THSD7B: variants seen among roughly 807,000 people sequenced by gnomAD.
THSD7B encodes thrombospondin type 1 domain containing 7B, also known as thrombospondin type-1 domain-containing protein 7B.
Under a neutral mutation model 213.6 loss-of-function variants are expected in THSD7B, and 138 were observed. That is an observed-to-expected ratio of 0.65 (90% CI 0.56 to 0.74). The LOEUF (loss-of-function observed/expected upper bound fraction) is 0.74, where lower values mean the gene tolerates loss of function less well. Ranked by LOEUF, THSD7B falls within the 30% of genes least tolerant of loss-of-function variation. The pLI is 0.00. For missense variants in THSD7B, 1,931 were observed against 1,991.5 expected (o/e 0.97, Z 0.58); for synonymous variants, 742 against 687.0 (o/e 1.08, Z -1.25).
intron 5 of THSD7B, among the ~76,000 whole-genome samples, chr2:137,134,469 C>G (rs187634561): frequency 7.9e-5 from 12 of 152,156 alleles, no homozygotes; most frequent in Admixed American, 1.3e-4. Context: ...TGGGATGGCC[C>G]AAGTGTCAGC....
chr2:137,607,883 C>A (rs889802235), intron 17 of THSD7B, among the ~76,000 whole-genome samples: 1 of 152,148 alleles, frequency 6.6e-6, no homozygotes, highest in Non-Finnish European at 1.5e-5. Flanking sequence ...GTGAGGATGT[C>A]CCTGCCTATT....
intron 2 of THSD7B, among the ~76,000 whole-genome samples, chr2:137,054,464 A>G (rs1259484161): frequency 6.6e-6 from 1 of 152,232 alleles, no homozygotes; most frequent in Non-Finnish European, 1.5e-5. Flanking sequence ...CTTTTGTCCT[A>G]CTAAAGTGAC....
At chr2:137,146,098 G>GA (rs528039650) in intron 5 of THSD7B, among the ~76,000 whole-genome samples, 45 of 151,976 alleles carry the variant, frequency 3.0e-4, no homozygotes, top group African/African-American at 7.5e-4. Flanking sequence ...TTAAGCAAAA[G>GA]AAAAAAATTC....
rs1177945236 is a variant in THSD7B, at chr2:136,851,038, CTAT to C, written c.-35-31101_-35-31099del. Among the ~76,000 whole-genome samples, 4 of 152,100 alleles carry C rather than the reference CTAT, an allele frequency of 2.6e-5. No individual in the cohort carries two copies. The East Asian group carries it at 5.8e-4, about 22-fold the overall frequency. ...ATACTCTGCCATCAGAGTAATTTTT[CTAT>C]TATTCTGGTCATCTCACTTTTCTTT... is the stretch of plus-strand genomic sequence containing the variant. On this transcript the variant is annotated intron_variant, in intron 1 of 27. Transcript: ENST00000409968.
At chr2:137,058,324 G>A (rs868341750) in intron 3 of THSD7B, among the ~76,000 whole-genome samples, 4 of 152,152 alleles carry the variant, frequency 2.6e-5, no homozygotes, top group African/African-American at 4.8e-5. Context: ...AAAGATTCAT[G>A]CAATTTGTTT....
intron 2 of THSD7B, among the ~76,000 whole-genome samples, chr2:136,932,505 C>CTGCTGATAA (rs1558857444): frequency 2.0e-5 from 3 of 151,616 alleles, no homozygotes; most frequent in Non-Finnish European, 1.5e-5. Flanking sequence ...ACAGGAAGCT[C>CTGCTGATAA]TACTGATAAC....
At chr2:137,515,786 A>G (rs1680056734) in intron 15 of THSD7B, among the ~76,000 whole-genome samples, 1 of 152,220 alleles carries the variant, frequency 6.6e-6, no homozygotes, top group African/African-American at 2.4e-5. Flanking sequence ...GGAAATGCCT[A>G]ATCTCCCTTG....
rs1682326026 is a variant in THSD7B at position 137,613,540 on chromosome 2, C to CTG, written c.3424-2634_3424-2633insGT. Among the ~76,000 whole-genome samples, 3 of 152,300 alleles carry CTG rather than the reference C, an allele frequency of 2.0e-5. No individual in the cohort carries two copies. In the South Asian group the frequency reaches 6.2e-4, roughly 32 times the overall value. Reference sequence around the variant, plus strand: ...CATGAAGGGGTTTCTGTACTAGACACTAACTGGTTCTAACTGGATCATCTT... The same window carrying CTG: ...CATGAAGGGGTTTCTGTACTAGACACTGTAACTGGTTCTAACTGGATCATCTT... On this transcript the variant is annotated intron_variant, in intron 17 of 27. Coordinates refer to ENST00000409968, the MANE Select transcript of THSD7B (RefSeq NM_001316349.2).
intron 2 of THSD7B, among the ~76,000 whole-genome samples, chr2:136,884,765 A>G (rs1683688004): frequency 6.6e-6 from 1 of 152,150 alleles, no homozygotes; most frequent in Admixed American, 6.6e-5. Flanking sequence ...ACTGCATAGT[A>G]TTCTTTAGCA....
intron 12 of THSD7B, among the ~76,000 whole-genome samples, chr2:137,298,615 G>A (rs1054076080): frequency 3.0e-4 from 46 of 152,164 alleles, no homozygotes; most frequent in African/African-American, 1.1e-3. Context: ...GCTGGGCCCA[G>A]GATCCCTGTG....
chr2:136,926,705 GA>G (rs58145302), intron 2 of THSD7B, among the ~76,000 whole-genome samples: 131,281 of 148,956 alleles, frequency 0.88, 57,898 homozygotes, highest in African/African-American at 0.92. Flanking sequence ...AAAAGAAAAA[GA>G]AAAAAAAAAA....
At chr2:137,498,631 A>G (rs1043388169) in intron 15 of THSD7B, among the ~76,000 whole-genome samples, 2 of 151,962 alleles carry the variant, frequency 1.3e-5, no homozygotes, top group African/African-American at 4.8e-5. Flanking sequence ...ATCTGGGGGT[A>G]GGGGAGCTCT....
At chr2:137,465,135 C>A (rs542032225) in intron 15 of THSD7B, among the ~76,000 whole-genome samples, 1 of 151,920 alleles carries the variant, frequency 6.6e-6, no homozygotes, top group African/African-American at 2.4e-5. Flanking sequence ...TATATTAATC[C>A]TTTTTTCTAC....
At chr2:137,562,151 G>A (rs895305328) in intron 15 of THSD7B, among the ~76,000 whole-genome samples, 2 of 152,056 alleles carry the variant, frequency 1.3e-5, no homozygotes, top group African/African-American at 4.8e-5. Context: ...GGTTCTGTTT[G>A]GATAGTGCAA....
chr2:137,213,280 T>G (rs1375438451), intron 7 of THSD7B, among the ~76,000 whole-genome samples: 1 of 150,372 alleles, frequency 6.7e-6, no homozygotes, highest in African/African-American at 2.4e-5. Context: ...TCTGCTGTTA[T>G]GTATTGCCAA....
chr2:137,485,708 T>C (rs896716912), intron 15 of THSD7B, among the ~76,000 whole-genome samples: 1 of 151,876 alleles, frequency 6.6e-6, no homozygotes, highest in Admixed American at 6.6e-5. Context: ...TTCACCAAAG[T>C]TGAAATGAAG....
chr2:137,363,230 T>C (rs1427410532), intron 12 of THSD7B, among the ~76,000 whole-genome samples: 3 of 151,978 alleles, frequency 2.0e-5, no homozygotes, highest in Admixed American at 2.0e-4. Flanking sequence ...AGGACACAAT[T>C]AAAGCAGTGT....
chr2:137,380,063 C>T (rs191089574), intron 12 of THSD7B, among the ~76,000 whole-genome samples: 1 of 152,280 alleles, frequency 6.6e-6, no homozygotes, highest in African/African-American at 2.4e-5. Flanking sequence ...TGACCCAGGG[C>T]TGCCATTGCT....
In THSD7B at chr2:137,641,004, C is replaced by T. The variant is rs145736244; in HGVS notation, c.3800-1484C>T. Among the ~76,000 whole-genome samples the T allele has an allele frequency of 7.7e-3, 1,166 of 152,278 alleles. 12 individuals carry two copies. The highest frequency in any genetic ancestry group is 0.013 in the Non-Finnish European group (915 of 68,026). ...CTGGTGGACAGTAAGAGGTCTAGTT[C>T]TTTGAAAGTGAGTCACCCTTACTTA... is the stretch of plus-strand genomic sequence containing the variant. On this transcript the variant is annotated intron_variant, in intron 20 of 27. Transcript: ENST00000409968.
Sources: gnomAD v4.1 joint callset for allele counts (sites outside exome capture counted in the v4.1 genomes callset) on GRCh38, gnomAD v4.1.1 for gene constraint, MANE v1.5 for transcripts, NCBI Gene and HGNC (gene_info 2026-07-23, HGNC 2026-07-21) for gene names.